ABCG5: variants seen among roughly 807,000 people sequenced by gnomAD.
ABCG5 encodes the protein ATP binding cassette subfamily G member 5, also known as ATP-binding cassette sub-family G member 5.
In ABCG5, 64 loss-of-function variants were observed where a neutral mutation model predicts 64.5. That is an observed-to-expected ratio of 0.99 (90% CI 0.81 to 1.22). ABCG5 has a LOEUF of 1.22. Among genes scored for constraint, ABCG5 ranks in the 50% most tolerant of loss-of-function variants. ABCG5 has a pLI of 0.00. For missense variants in ABCG5, 908 were observed against 829.5 expected (o/e 1.09, Z -1.16); for synonymous variants, 385 against 326.3 (o/e 1.18, Z -1.94).
rs963896435 is a variant in ABCG5 at position 43,820,551 on chromosome 2, G to A, written c.1464-451C>T. Among the ~76,000 whole-genome samples, 9 of 152,260 alleles carry A rather than the reference G, an allele frequency of 5.9e-5. No individual in the cohort carries two copies. In the South Asian group the frequency reaches 6.2e-4, roughly 11 times the overall value. ...TCTGTTATATGGGATTATTGCCTAC[G>A]TGAAAATCCCTCACTTCTTTTGTCC... On this transcript the variant is annotated intron_variant, in intron 10 of 12. Coordinates refer to ENST00000405322, the MANE Select transcript of ABCG5 (RefSeq NM_022436.3).
intron 6 of ABCG5, 102 bp downstream of exon 6, chr2:43,826,280 G>A: frequency 6.4e-7 from 1 of 1,553,502 alleles, no homozygotes; most frequent in Non-Finnish European, 8.8e-7. Flanking sequence ...AATTACAAGT[G>A]TGAGCCACTG....
At chr2:43,831,915 G>A (rs758463895) in intron 3 of ABCG5, 32 bp downstream of exon 3, 7 of 1,543,288 alleles carry the variant, frequency 4.5e-6, no homozygotes, top group South Asian at 2.4e-5. Flanking sequence ...CGGGGCGGGC[G>A]GGGGGGCCAG....
intron 2 of ABCG5, 33 bp from the exon 3 acceptor site, chr2:43,832,116 C>A (rs1316503042): frequency 1.3e-6 from 2 of 1,561,792 alleles, no homozygotes; most frequent in Admixed American, 1.9e-5. Flanking sequence ...CCTAGAGGAA[C>A]CACTCTGTGC....
At chr2:43,809,513 C>A (rs527447531), downstream of ABCG5, among the ~76,000 whole-genome samples, 5 of 152,252 alleles carry the variant, frequency 3.3e-5, no homozygotes, top group Admixed American at 3.3e-4. Context: ...CACACAGAAA[C>A]TCTGAAGACA....
At chr2:43,825,764 G>A (rs1340378298) in intron 6 of ABCG5, among the ~76,000 whole-genome samples, 1 of 151,962 alleles carries the variant, frequency 6.6e-6, no homozygotes, top group Non-Finnish European at 1.5e-5. Context: ...ACACCACCAC[G>A]CCCAACTATC....
chr2:43,838,949 G>C (rs1668454030), upstream of ABCG5: 1 of 1,325,890 alleles, frequency 7.5e-7, no homozygotes, highest in Non-Finnish European at 1.1e-6. The surrounding 1 kb of genome is among the most constrained non-coding windows in gnomAD (Gnocchi z 4.2). Flanking sequence ...AGGGCAGGAG[G>C]CCGAGGTGTC....
chr2:43,820,646 C>A (rs866665802), intron 10 of ABCG5, among the ~76,000 whole-genome samples: 20 of 152,234 alleles, frequency 1.3e-4, no homozygotes, highest in South Asian at 6.2e-4. Flanking sequence ...ACCCCTTCCA[C>A]TGATTTGACC....
At chr2:43,829,893 G>A (rs909048794) in intron 4 of ABCG5, among the ~76,000 whole-genome samples, 12 of 152,192 alleles carry the variant, frequency 7.9e-5, no homozygotes, top group African/African-American at 2.9e-4. Context: ...CCCACCCAAA[G>A]AATGGACATA....
rs1667500525 is a variant in ABCG5 at position 43,824,974 on chromosome 2, G to A, written c.819C>T (p.Phe273=). ...IAILSFGELI[F]CGTPAEMLDF... ...CAAGCATTTCCGCTGGCGTGCCACA[G>A]AAAATCAGCTCTCCGAAGCTCAGGA... The change falls in exon 7 of 13, where the codon TTC becomes TTT. Residue 273 remains phenylalanine, a synonymous_variant. Coordinates refer to ENST00000405322, the MANE Select transcript of ABCG5 (RefSeq NM_022436.3). 1.2e-6 allele frequency: 2 copies of A among 1,613,924 alleles called. No homozygotes were observed. Among genetic ancestry groups the A allele is most frequent in the Admixed American group, 3.3e-5 (2 of 60,004 alleles).
chr2:43,835,414 A>G (rs1668202799), intron 2 of ABCG5, among the ~76,000 whole-genome samples: 1 of 152,186 alleles, frequency 6.6e-6, no homozygotes, highest in Non-Finnish European at 1.5e-5. Flanking sequence ...AAAGGAGAAG[A>G]GGCAGTTTTT....
chr2:43,827,542 T>A (rs1667695105), intron 5 of ABCG5, among the ~76,000 whole-genome samples: 1 of 152,168 alleles, frequency 6.6e-6, no homozygotes, highest in Non-Finnish European at 1.5e-5. Context: ...CTACTCTGTT[T>A]TGATACTCCC....
chr2:43,838,533 T>G lies in ABCG5; in HGVS notation c.143+4A>C, dbSNP rs1668429322. On this transcript the variant is annotated splice_donor_region_variant and intron_variant, in intron 1 of 12. Transcript: ENST00000405322. This position sits in a 1 kb window ranked among gnomAD's most constrained non-coding sequence, Gnocchi z 4.2. ...GAGCAGCAGCAGCAAGGGCTCTGCC[T>G]TACCTGACGCTGTAGGAGGCATGGA... 1 of 1,598,574 alleles carries G rather than the reference T, an allele frequency of 6.3e-7. No homozygotes were observed.
rs1667715844 is a variant in ABCG5, at chr2:43,827,889, C to T, written c.634+94G>A. 2.6e-6 allele frequency: 4 copies of T among 1,568,372 alleles called. No homozygotes were observed. The East Asian group carries it at 9.2e-5, about 36-fold the overall frequency. On this transcript the variant is annotated intron_variant, in intron 5 of 12. Transcript: ENST00000405322. ...ATTTCAGTTGTACACAAACCCCTTTCCAAATGAGGACCGTGAAGAAAGGGC... is the reference window on the plus strand; with the variant it reads ...ATTTCAGTTGTACACAAACCCCTTTTCAAATGAGGACCGTGAAGAAAGGGC...
At chr2:43,837,697 TC>T (rs1668366582) in intron 2 of ABCG5, 136 bp downstream of exon 2, 3 of 1,178,346 alleles carry the variant, frequency 2.5e-6, no homozygotes, top group Non-Finnish European at 3.8e-6. Flanking sequence ...TGGTAGCAGT[TC>T]CATTCACAGT....
At chr2:43,833,783 C>A (rs1413407412) in intron 2 of ABCG5, among the ~76,000 whole-genome samples, 1 of 152,200 alleles carries the variant, frequency 6.6e-6, no homozygotes, top group African/African-American at 2.4e-5. Flanking sequence ...CTCCCAGGTT[C>A]AAACAATTAT....
At position 43,838,139 on chromosome 2, in the gene ABCG5, C is replaced by G. The variant is rs570454141; in HGVS notation, c.144-184G>C. 19 of 751,312 alleles carry G rather than the reference C, an allele frequency of 2.5e-5. No individual in the cohort carries two copies. Among genetic ancestry groups the G allele is most frequent in the Non-Finnish European group, 3.9e-5 (18 of 462,456 alleles). The allele number at this position is 751,312 out of a possible 1,614,324, so 46.5% of individuals were successfully genotyped here. On this transcript the variant is annotated intron_variant, in intron 1 of 12. Coordinates refer to ENST00000405322, the MANE Select transcript of ABCG5 (RefSeq NM_022436.3). This position sits in a 1 kb window ranked among gnomAD's most constrained non-coding sequence, Gnocchi z 4.2. Reference sequence around the variant, plus strand: ...AGATAGCGACTGAGGCTGTCTGCCACGTAGGGAGGGGGCCTGTGCTGGAGT... The same window carrying G: ...AGATAGCGACTGAGGCTGTCTGCCAGGTAGGGAGGGGGCCTGTGCTGGAGT...
At chr2:43,827,339 A>ATT (rs1667677187) in intron 5 of ABCG5, among the ~76,000 whole-genome samples, 1 of 151,946 alleles carries the variant, frequency 6.6e-6, no homozygotes, top group Non-Finnish European at 1.5e-5. Flanking sequence ...AAAAAAAAAA[A>ATT]AAAGTGACAA....
At position 43,822,859 on chromosome 2, in the gene ABCG5, A is replaced by G; in HGVS notation, c.1401T>C (p.Tyr467=). 1 of 1,614,156 alleles carries G rather than the reference A, an allele frequency of 6.2e-7. No homozygotes were observed. The highest frequency in any genetic ancestry group is 8.5e-7 in the Non-Finnish European group (1 of 1,180,004). Residue 467 remains tyrosine (Y), a synonymous_variant, in exon 10 of 13, where the codon TAT becomes TAC. Coordinates refer to ENST00000405322, the MANE Select transcript of ABCG5 (RefSeq NM_022436.3). ...LYQKWQMMLA[Y]ALHVLPFSVV... is the part of the protein sequence containing the mutation. Reference sequence around the variant, plus strand: ...CGCTGAAGGGGAGGACGTGCAGTGCATAGGCCAGCATCATCTGCCACTTCT... The same window carrying G: ...CGCTGAAGGGGAGGACGTGCAGTGCGTAGGCCAGCATCATCTGCCACTTCT...
intron 2 of ABCG5, among the ~76,000 whole-genome samples, chr2:43,835,893 T>C (rs1572801433): frequency 6.6e-6 from 1 of 152,032 alleles, no homozygotes; most frequent in African/African-American, 2.4e-5. Flanking sequence ...CAGTCTATGG[T>C]ATTTTGTTGT....
Sources: gnomAD v4.1 joint callset for allele counts (sites outside exome capture counted in the v4.1 genomes callset) on GRCh38, gnomAD v4.1.1 for gene constraint, Gnocchi (gnomAD v3.1) non-coding constraint, MANE v1.5 for transcripts, NCBI Gene and HGNC (gene_info 2026-07-23, HGNC 2026-07-21) for gene names.